The following CP variants were observed in gnomAD, a reference collection of about 807,000 sequenced individuals.
The protein encoded by CP is caeruloplasmin.
In CP, 64 loss-of-function variants were observed where a neutral mutation model predicts 122.4. That is an observed-to-expected ratio of 0.52 (90% confidence interval 0.43 to 0.64). The LOEUF is 0.64. CP is among the 30% of genes least tolerant of loss of function. The pLI is 0.00. For missense variants in CP, 1,167 were observed against 1,284.4 expected, an observed-to-expected ratio of 0.91 and a Z score of 1.40; for synonymous variants, 440 against 436.4, an observed-to-expected ratio of 1.01 and a Z score of -0.10.
At position 149,188,490 on chromosome 3, in the gene CP, C is replaced by CAAAAAAA. The variant is rs60815739; in HGVS notation, c.1714-295_1714-289dup. 1.9e-3 allele frequency among the ~76,000 whole-genome samples: 87 copies of CAAAAAAA among 46,082 alleles called. 3 individuals carry two copies. Among genetic ancestry groups the CAAAAAAA allele is most frequent in the South Asian group, 6.7e-3 (3 of 448 alleles). 30.2% of individuals were successfully genotyped at this position (46,082 alleles called of 152,430 possible). On this transcript the variant is annotated intron_variant, in intron 9 of 18. Transcript: ENST00000264613. ...CATTGTGCATACCAATTGAAGCCTC[C>CAAAAAAA]AAAAAAAAAAAAAAAAAAAAAAAAA...
In CP at chr3:149,206,190, C is replaced by T; in HGVS notation, c.1186G>A (p.Glu396Lys). Residue 396 changes from glutamate (E) to lysine (K), a missense_variant, in exon 6 of 19, where the codon GAA (glutamate) becomes AAA (lysine). Glu to Lys is a moderately conservative substitution (Grantham distance 56). Around this residue, in one of 2 missense-constraint regions of CP, gnomAD observed 642 missense variants for 627.3 expected, o/e 1.02. Transcript: ENST00000264613. The stretch of plus-strand genomic sequence containing the variant: ...TACCTTCCAGGTGCTGTTAAGTTTT[C>T]TTTAGTGAAGATGTCTATACCAGAG... ...APSGIDIFTK[E>K]NLTAPGSDSA... 6.2e-7 allele frequency: 1 copy of T among 1,613,798 alleles called. No homozygotes were observed. Among genetic ancestry groups the T allele is most frequent in the Non-Finnish European group, 8.5e-7 (1 of 1,179,804 alleles).
chr3:149,210,439 T>G (rs1445881776), intron 2 of CP, 60 bp from the exon 3 acceptor site: 3 of 1,349,496 alleles, frequency 2.2e-6, no homozygotes, highest in Non-Finnish European at 3.2e-6. Context: ...AATGAGAGAA[T>G]AGATAGTCCA....
downstream of CP, chr3:149,170,540 T>C (rs1326991495): frequency 6.6e-6 from 1 of 152,172 alleles, no homozygotes; most frequent in Non-Finnish European, 1.5e-5. Flanking sequence ...AACCTAGGAC[T>C]TGGAAGATTA....
At chr3:149,184,028 C>CTTCTT (rs1725975965) in intron 12 of CP, among the ~76,000 whole-genome samples, 1 of 63,564 alleles carries the variant, frequency 1.6e-5, no homozygotes, top group Non-Finnish European at 2.9e-5. Context: ...TCACTTACTT[C>CTTCTT]TTTTTTTTTT....
intron 6 of CP, among the ~76,000 whole-genome samples, chr3:149,203,644 A>C (rs1353867130): frequency 6.6e-6 from 1 of 152,230 alleles, no homozygotes; most frequent in Non-Finnish European, 1.5e-5. Context: ...CAAACGAAGA[A>C]ATTAAATTTC....
chr3:149,177,192 A>G (rs1182324136), intron 17 of CP, among the ~76,000 whole-genome samples: 1 of 152,172 alleles, frequency 6.6e-6, no homozygotes, highest in Non-Finnish European at 1.5e-5. Flanking sequence ...AACTTAGAAC[A>G]GGCAGGGCAA....
chr3:149,212,837 C>A, intron 1 of CP, 139 bp from the exon 2 acceptor site: 2 of 1,053,636 alleles, frequency 1.9e-6, no homozygotes, highest in Non-Finnish European at 2.7e-6. Flanking sequence ...GGGATGCCTC[C>A]AAAATTGAAG....
intron 18 of CP, among the ~76,000 whole-genome samples, chr3:149,175,780 G>A (rs1405810712): frequency 6.6e-6 from 1 of 151,668 alleles, no homozygotes; most frequent in Non-Finnish European, 1.5e-5. Flanking sequence ...ACAATTATCG[G>A]TAAGGTTCCT....
chr3:149,189,534 A>G (rs1369108625), intron 9 of CP, among the ~76,000 whole-genome samples: 1 of 150,896 alleles, frequency 6.6e-6, no homozygotes, highest in African/African-American at 2.5e-5. Flanking sequence ...AGCCTGGGTA[A>G]CAGAGCGAGA....
chr3:149,182,154 GAGTGTCCAATCAGA>G (rs1210622049), intron 13 of CP, 21 bp from the exon 14 acceptor site: 1 of 1,613,820 alleles, frequency 6.2e-7, no homozygotes, highest in African/African-American at 1.3e-5. Context: ...TGAAGAGGAA[GAGTGTCCAATCAGA>G]AGGTCTAACT....
chr3:149,165,534 A>G (rs1010817134), intron 5 of CP, among the ~76,000 whole-genome samples: 1 of 151,864 alleles, frequency 6.6e-6, no homozygotes, highest in African/African-American at 2.4e-5. Flanking sequence ...ATTGGAGTGC[A>G]GTGGCAGTCA....
In CP at chr3:149,204,279, T is replaced by C. The variant is rs527668428; in HGVS notation, c.1208+1889A>G. On this transcript the variant is annotated intron_variant, in intron 6 of 18. Coordinates refer to ENST00000264613, the MANE Select transcript of CP (RefSeq NM_000096.4). Reference sequence around the variant, plus strand: ...CTCTGGCAGATGTTTGGAGAATGTGTTGGAAAATACAAGACTGCAGTAGGG... The same window carrying C: ...CTCTGGCAGATGTTTGGAGAATGTGCTGGAAAATACAAGACTGCAGTAGGG... Among the ~76,000 whole-genome samples, 5 of 152,254 alleles carry C rather than the reference T, an allele frequency of 3.3e-5. No individual in the cohort carries two copies. The South Asian group carries it at 1.0e-3, about 32-fold the overall frequency.
At chr3:149,168,165 T>G (rs550996170), downstream of CP, 1 of 590,450 alleles carries the variant, frequency 1.7e-6, no homozygotes, top group Non-Finnish European at 3.1e-6. Context: ...ATTTATCTCC[T>G]AGTCACAGAA....
chr3:149,182,199 A>C, intron 13 of CP, 66 bp from the exon 14 acceptor site: 14 of 1,584,496 alleles, frequency 8.8e-6, no homozygotes, highest in Admixed American at 1.7e-5. Context: ...AGCAAAGATC[A>C]GCAAAGATAA....
chr3:149,206,815 A>G (rs1028234039), intron 5 of CP, among the ~76,000 whole-genome samples: 1 of 152,194 alleles, frequency 6.6e-6, no homozygotes, highest in Non-Finnish European at 1.5e-5. Context: ...ATATTTGATA[A>G]AAGCAATTAT....
chr3:149,221,216 C>T (rs1728787718), intron 1 of CP, among the ~76,000 whole-genome samples: 1 of 152,122 alleles, frequency 6.6e-6, no homozygotes, highest in Admixed American at 6.5e-5. Context: ...CAGGCAGGAT[C>T]TTATTTGCTA....
At chr3:149,189,602 A>G (rs1030247968) in intron 9 of CP, among the ~76,000 whole-genome samples, 3 of 152,104 alleles carry the variant, frequency 2.0e-5, no homozygotes, top group African/African-American at 7.2e-5. Flanking sequence ...GTTGACATTA[A>G]AATTATCAAG....
chr3:149,172,060 T>G, downstream of CP: 1 of 1,606,494 alleles, frequency 6.2e-7, no homozygotes, highest in Non-Finnish European at 8.5e-7. Flanking sequence ...AAAGACAGAC[T>G]TTCAATTCTA....
chr3:149,218,783 G>C (rs993400563), intron 1 of CP, among the ~76,000 whole-genome samples: 1 of 152,090 alleles, frequency 6.6e-6, no homozygotes, highest in Non-Finnish European at 1.5e-5. Context: ...CCAAGCACTA[G>C]TACTTGCATA....
Sources: allele counts gnomAD v4.1 joint callset (sites outside exome capture counted in the v4.1 genomes callset), GRCh38; gene constraint gnomAD v4.1.1; regional missense constraint gnomAD v4.1.1; transcripts MANE v1.5; gene names NCBI Gene and HGNC (gene_info 2026-07-23, HGNC 2026-07-21).